The following FMNL2 variants were observed in gnomAD, a reference collection of about 807,000 sequenced individuals.
The protein encoded by FMNL2 is formin-like protein 2.
A neutral mutation model predicts 130.2 loss-of-function variants in FMNL2; 51 were observed. The ratio of observed to expected loss-of-function variants is 0.39; its 90% confidence interval spans 0.31 to 0.49. The LOEUF (loss-of-function observed/expected upper bound fraction) is 0.49. Among genes scored for constraint, FMNL2 ranks in the 20% least tolerant of loss-of-function variants. FMNL2 has a pLI of 0.85. For synonymous variants in FMNL2, 465 were observed against 467.1 expected (o/e 1.00, Z 0.06); for missense variants, 977 against 1,316.2 (o/e 0.74, Z 3.99).
chr2:152,641,369 T>C (rs1029579676), intron 25 of FMNL2, among the ~76,000 whole-genome samples: 1 of 152,214 alleles, frequency 6.6e-6, no homozygotes, highest in African/African-American at 2.4e-5. Flanking sequence ...CAGCCCAGGG[T>C]TGGGAACTGG....
chr2:152,613,284 G>T (rs1209125425), intron 11 of FMNL2, among the ~76,000 whole-genome samples: 1 of 152,146 alleles, frequency 6.6e-6, no homozygotes, highest in Non-Finnish European at 1.5e-5. Flanking sequence ...ACAAAAATTG[G>T]ATGTATAAAT....
chr2:152,621,016 T>C (rs894133059), intron 15 of FMNL2: 3 of 985,412 alleles, frequency 3.0e-6, no homozygotes, highest in African/African-American at 1.7e-5. Flanking sequence ...GTGGAACTGA[T>C]GGACTATGGA....
chr2:152,589,562 G>A (rs1487692638), intron 9 of FMNL2, among the ~76,000 whole-genome samples: 2 of 152,136 alleles, frequency 1.3e-5, no homozygotes, highest in Non-Finnish European at 2.9e-5. Flanking sequence ...CTAAACATGA[G>A]CTTTCACTTG....
chr2:152,542,592 C>A, intron 2 of FMNL2, 147 bp from the exon 3 acceptor site: 1 of 702,088 alleles, frequency 1.4e-6, no homozygotes, highest in Non-Finnish European at 2.5e-6. Context: ...TACCAAGATG[C>A]AAAACAGTTA....
chr2:152,615,119 CT>C, intron 12 of FMNL2, 119 bp downstream of exon 12: 1 of 1,043,180 alleles, frequency 9.6e-7, no homozygotes, highest in South Asian at 1.6e-5. Context: ...AGGCCATACC[CT>C]GCAAGAGAGA....
intron 9 of FMNL2, among the ~76,000 whole-genome samples, chr2:152,586,263 G>A (rs558123311): frequency 6.6e-6 from 1 of 152,208 alleles, no homozygotes; most frequent in Non-Finnish European, 1.5e-5. Flanking sequence ...CAGCACTCTT[G>A]TGCACAGCAC....
rs553170155 is a variant in FMNL2 at position 152,532,320 on chromosome 2, A to G, written c.201+10294A>G. Among the ~76,000 whole-genome samples the G allele has an allele frequency of 2.6e-4, 39 of 152,304 alleles. 1 individual carries two copies. The highest frequency in any genetic ancestry group is 3.4e-3 in the Middle Eastern group (1 of 294). On this transcript the variant is annotated intron_variant, in intron 2 of 25. Transcript: ENST00000288670. ...TTTATTGAGGTCTAATTTATATACA[A>G]TAATGTTCACCAGTTGTGTTTTCCA...
At chr2:152,429,984 A>G in intron 1 of FMNL2, among the ~76,000 whole-genome samples, 1 of 152,200 alleles carries the variant, frequency 6.6e-6, no homozygotes, top group Non-Finnish European at 1.5e-5. Context: ...GCAGCAAACC[A>G]CCATGGCATA....
chr2:152,497,314 A>ATTTTT (rs1052414145), intron 1 of FMNL2, among the ~76,000 whole-genome samples: 1 of 150,906 alleles, frequency 6.6e-6, no homozygotes, highest in Admixed American at 6.6e-5. Context: ...ATTTGTGTGC[A>ATTTTT]TTTTTTTTTG....
In FMNL2 at chr2:152,503,352, C is replaced by G. The variant is rs1383590531; in HGVS notation, c.118-18591C>G. The stretch of plus-strand genomic sequence containing the variant: ...AGAATTCTGGTTAAAGTGATCCTGA[C>G]CTATTATAGGATTCTTGTTGAAGGC... On this transcript the variant is annotated intron_variant, in intron 1 of 25. Coordinates refer to ENST00000288670, the MANE Select transcript of FMNL2 (RefSeq NM_052905.4). Among the ~76,000 whole-genome samples the G allele has an allele frequency of 4.6e-5, 7 of 152,170 alleles. No homozygotes were observed. The South Asian group carries it at 1.0e-3, about 23-fold the overall frequency.
chr2:152,503,434 A>G (rs1691968349), intron 1 of FMNL2, among the ~76,000 whole-genome samples: 1 of 152,186 alleles, frequency 6.6e-6, no homozygotes, highest in South Asian at 2.1e-4. Context: ...AACCCAATTA[A>G]TTAGTGGGGG....
intron 1 of FMNL2, among the ~76,000 whole-genome samples, chr2:152,403,637 G>A (rs773921566): frequency 4.6e-5 from 7 of 151,790 alleles, no homozygotes; most frequent in Non-Finnish European, 8.8e-5. Flanking sequence ...AATGCTTTCT[G>A]CCTGGTGTAG....
chr2:152,375,653 A>G (rs925943630), intron 1 of FMNL2, among the ~76,000 whole-genome samples: 3 of 151,940 alleles, frequency 2.0e-5, no homozygotes, highest in East Asian at 1.9e-4. Context: ...TAAGATTACA[A>G]TGAAAGACAG....
At chr2:152,339,231 T>C (rs1038737204) in intron 1 of FMNL2, among the ~76,000 whole-genome samples, 7 of 151,196 alleles carry the variant, frequency 4.6e-5, no homozygotes, top group African/African-American at 1.7e-4. Flanking sequence ...TTAGTTTTTG[T>C]GTATTTTATG....
At chr2:152,626,944 C>G (rs1681833531) in intron 17 of FMNL2, among the ~76,000 whole-genome samples, 1 of 152,192 alleles carries the variant, frequency 6.6e-6, no homozygotes, top group Non-Finnish European at 1.5e-5. Context: ...AGAAATCACC[C>G]TGGGGAGTGT....
chr2:152,391,554 G>A (rs549203053), intron 1 of FMNL2, among the ~76,000 whole-genome samples: 1 of 152,030 alleles, frequency 6.6e-6, no homozygotes, highest in Admixed American at 6.6e-5. Context: ...GAATAGAGCT[G>A]TGTGCCAGGG....
intron 9 of FMNL2, among the ~76,000 whole-genome samples, chr2:152,582,974 A>G (rs1173520449): frequency 1.3e-5 from 2 of 152,120 alleles, no homozygotes; most frequent in Non-Finnish European, 2.9e-5. Context: ...GAATGATAAT[A>G]TTTTTTTCTC....
chr2:152,497,912 A>G (rs1691601900), intron 1 of FMNL2, among the ~76,000 whole-genome samples: 1 of 152,020 alleles, frequency 6.6e-6, no homozygotes. Context: ...GCAGAATTCC[A>G]TTGCTTGCGG....
chr2:152,432,882 G>T (rs981784300), intron 1 of FMNL2, among the ~76,000 whole-genome samples: 7 of 152,238 alleles, frequency 4.6e-5, no homozygotes, highest in Non-Finnish European at 8.8e-5. Context: ...GGATAATACA[G>T]GAGAAGCTCC....
Sources: allele counts gnomAD v4.1 joint callset (sites outside exome capture counted in the v4.1 genomes callset), GRCh38; gene constraint gnomAD v4.1.1; transcripts MANE v1.5; gene names NCBI Gene and HGNC (gene_info 2026-07-23, HGNC 2026-07-21).